The following RFX2 variants were observed in gnomAD, a reference collection of about 807,000 sequenced individuals.
The protein encoded by RFX2 is DNA-binding protein RFX2.
A neutral mutation model predicts 87.8 loss-of-function variants in RFX2; 20 were observed. That is an observed-to-expected ratio of 0.23 (90% confidence interval 0.16 to 0.33). The LOEUF (loss-of-function observed/expected upper bound fraction) is 0.33. Ranked by LOEUF, RFX2 falls within the 10% of genes least tolerant of loss-of-function variation. RFX2 has a pLI of 1.00. For missense variants in RFX2, 767 were observed against 1,012.3 expected (o/e 0.76, Z 3.29); for synonymous variants, 397 against 431.3 (o/e 0.92, Z 0.98).
chr19:6,026,189 G>A lies in RFX2; in HGVS notation c.571C>T (p.His191Tyr). ...TGGCTGTTGAGTAAACCGCTTTTGTGTGATGTGATTCCTTCGCTTTTTTGG... is the reference window on the plus strand; with the variant it reads ...TGGCTGTTGAGTAAACCGCTTTTGTATGATGTGATTCCTTCGCTTTTTTGG... ...NLQKSEGITS[H>Y]KSGLLNSHLQ... The change falls in exon 6 of 18, where the codon CAC (histidine) becomes TAC (tyrosine). Residue 191 changes from histidine (H) to tyrosine (Y), a missense_variant. Coordinates refer to ENST00000303657, the MANE Select transcript of RFX2 (RefSeq NM_000635.4). The surrounding 1 kb of genome is among the most constrained non-coding windows in gnomAD (Gnocchi z 4.5). The A allele has an allele frequency of 6.2e-7, 1 of 1,613,394 alleles. No individual in the cohort carries two copies. The highest frequency in any genetic ancestry group is 2.2e-5 in the East Asian group (1 of 44,848).
rs976872553 is a variant in RFX2, at chr19:6,007,876, C to T, written c.1135-74G>A. On this transcript the variant is annotated intron_variant, in intron 10 of 17. Transcript: ENST00000303657. This position sits in a 1 kb window ranked among gnomAD's most constrained non-coding sequence, Gnocchi z 8.2. ...GTGCACTCAGCACACGTCAAGTGAG[C>T]AGCCGTGATCCGGGCTACAGCGGGG... is the stretch of plus-strand genomic sequence containing the variant. The T allele has an allele frequency of 8.3e-6, 9 of 1,085,932 alleles. 1 individual carries two copies. In the Middle Eastern group the frequency reaches 5.9e-4, roughly 72 times the overall value. 67.3% of individuals were successfully genotyped at this position (1,085,932 alleles called of 1,614,324 possible). A position where few individuals can be genotyped will look rare whatever the true frequency, so the allele number is the denominator to read the frequency against.
intron 1 of RFX2, among the ~76,000 whole-genome samples, chr19:6,087,005 T>C (rs186358831): frequency 1.3e-5 from 2 of 151,422 alleles, no homozygotes; most frequent in African/African-American, 4.9e-5. Flanking sequence ...TTTTTTTTTT[T>C]AATCTTTTAA....
intron 1 of RFX2, among the ~76,000 whole-genome samples, chr19:6,065,864 G>A (rs1158002569): frequency 6.6e-6 from 1 of 151,990 alleles, no homozygotes; most frequent in Non-Finnish European, 1.5e-5. Flanking sequence ...TGTTACAGGC[G>A]GCACTTTTGC....
chr19:6,079,654 G>A (rs1040653857), intron 1 of RFX2, among the ~76,000 whole-genome samples: 4 of 152,154 alleles, frequency 2.6e-5, no homozygotes, highest in Non-Finnish European at 5.9e-5. Context: ...TTGGAAGGCT[G>A]AGGTGGGTGG....
chr19:6,042,819 C>T (rs565264740), intron 3 of RFX2, among the ~76,000 whole-genome samples: 7 of 152,332 alleles, frequency 4.6e-5, no homozygotes, highest in East Asian at 3.9e-4. Flanking sequence ...GACTCTAGTC[C>T]GAGCAGTGGA....
chr19:5,994,795 G>A lies in RFX2; in HGVS notation c.*40C>T, dbSNP rs780218030. ...ATCCAGGTTCCCAGAGTGACCAGGC[G>A]GCATCTTTTGGAACCTCGAGGAGGC... On this transcript the variant is annotated 3_prime_UTR_variant, in exon 18 of 18. Transcript: ENST00000303657. The A allele has an allele frequency of 6.8e-6, 9 of 1,331,068 alleles. No individual in the cohort carries two copies. The highest frequency in any genetic ancestry group is 1.2e-5 in the South Asian group (1 of 84,192). The allele number at this position is 1,331,068 out of a possible 1,614,324, so 82.5% of individuals were successfully genotyped here.
chr19:6,031,558 C>T (rs1599867798), intron 5 of RFX2, among the ~76,000 whole-genome samples: 1 of 149,564 alleles, frequency 6.7e-6, no homozygotes, highest in Non-Finnish European at 1.5e-5. Context: ...GCCTCCCGAG[C>T]AGCTGGGATT....
rs774563181 is a variant in RFX2, at chr19:6,004,582, G to A, written c.1403-284C>T. Among the ~76,000 whole-genome samples the A allele has an allele frequency of 2.6e-5, 4 of 151,858 alleles. No homozygotes were observed. The highest frequency in any genetic ancestry group is 5.9e-5 in the Non-Finnish European group (4 of 67,964). ...ACGTTAATGGTGGTCATGACTGCAG[G>A]GTGCCTCAGGCATGGAGTGGGTGGA... On this transcript the variant is annotated intron_variant, in intron 12 of 17. Coordinates refer to ENST00000303657, the MANE Select transcript of RFX2 (RefSeq NM_000635.4). This position sits in a 1 kb window ranked among gnomAD's most constrained non-coding sequence, Gnocchi z 4.8.
At position 6,022,509 on chromosome 19, in the gene RFX2, C is replaced by G. The variant is rs912487481; in HGVS notation, c.597+3654G>C. Among the ~76,000 whole-genome samples, 3 of 152,208 alleles carry G rather than the reference C, an allele frequency of 2.0e-5. No homozygotes were observed. The highest frequency in any genetic ancestry group is 2.9e-5 in the Non-Finnish European group (2 of 68,034). Reference sequence around the variant, plus strand: ...GACTCGGTGAACCTGCTACGGGGTCCCGGTCGGCTGGTAGCCTGAGGGCAG... The same window carrying G: ...GACTCGGTGAACCTGCTACGGGGTCGCGGTCGGCTGGTAGCCTGAGGGCAG... On this transcript the variant is annotated intron_variant, in intron 6 of 17. Transcript: ENST00000303657. This position sits in a 1 kb window ranked among gnomAD's most constrained non-coding sequence, Gnocchi z 6.2.
At chr19:6,107,072 G>A (rs924240447) in intron 1 of RFX2, among the ~76,000 whole-genome samples, 1 of 151,728 alleles carries the variant, frequency 6.6e-6, no homozygotes, top group Non-Finnish European at 1.5e-5. Context: ...AAGGTGGGCG[G>A]ATCACATGGT....
intron 1 of RFX2, chr19:6,072,871 AC>A (rs774625848): frequency 2.3e-6 from 3 of 1,301,978 alleles, no homozygotes; most frequent in Non-Finnish European, 3.3e-6. Context: ...CAAAAAGAGA[AC>A]CAAGGAGTTC....
rs1349661467 is a variant in RFX2 at position 6,021,312 on chromosome 19, C to G, written c.597+4851G>C. On this transcript the variant is annotated intron_variant, in intron 6 of 17. Transcript: ENST00000303657. The surrounding 1 kb of genome is among the most constrained non-coding windows in gnomAD (Gnocchi z 5.7). The stretch of plus-strand genomic sequence containing the variant: ...AGGCCTTGTTTAGGTGCTGGGGATG[C>G]AACGGCGAATAAAAGACAAAAACCC... Among the ~76,000 whole-genome samples, 1 of 152,210 alleles carries G rather than the reference C, an allele frequency of 6.6e-6. No individual in the cohort carries two copies. Among genetic ancestry groups the G allele is most frequent in the Non-Finnish European group, 1.5e-5 (1 of 68,046 alleles).
Position 6,061,074 on chromosome 19 carries a change from A to T in RFX2, c.-8-13570T>A, listed in dbSNP as rs1455505041. ...ACTGGGCATCTCCCTGCGCCCCGGG[A>T]CACGTGTCGCTGGTGACTCAGCCTG... On this transcript the variant is annotated intron_variant, in intron 1 of 17. Coordinates refer to ENST00000303657, the MANE Select transcript of RFX2 (RefSeq NM_000635.4). This position sits in a 1 kb window ranked among gnomAD's most constrained non-coding sequence, Gnocchi z 5.2. 6.6e-6 allele frequency among the ~76,000 whole-genome samples: 1 copy of T among 151,962 alleles called. No homozygotes were observed. Among genetic ancestry groups the T allele is most frequent in the African/African-American group, 2.4e-5 (1 of 41,376 alleles).
chr19:6,065,558 A>C (rs936130184), intron 1 of RFX2, among the ~76,000 whole-genome samples: 1 of 152,164 alleles, frequency 6.6e-6, no homozygotes, highest in East Asian at 1.9e-4. Context: ...GAGGCGGAAG[A>C]ATGGCGTGAA....
rs57501118 is a variant in RFX2 at position 6,084,643 on chromosome 19, C to CTTTTTT, written c.-9+25744_-9+25749dup. On this transcript the variant is annotated intron_variant, in intron 1 of 17. Transcript: ENST00000303657. ...TGTCCTTTTTTTTCTTTCTTTCTTTCTTTTTTTTGAGACAGAATCTCGCTC... is the reference window on the plus strand; with the variant it reads ...TGTCCTTTTTTTTCTTTCTTTCTTTCTTTTTTTTTTTTTTGAGACAGAATCTCGCTC... Among the ~76,000 whole-genome samples, 673 of 145,410 alleles carry CTTTTTT rather than the reference C, an allele frequency of 4.6e-3. 9 individuals carry two copies. In the East Asian group the frequency reaches 0.068, roughly 15 times the overall value.
In RFX2 at chr19:6,040,303, C is replaced by A; in HGVS notation, c.261-62G>T. ...CCCATTTAAATGCCTTGTCTGAGTT[C>A]ACAGATATCCAGCCAAACATCACGT... On this transcript the variant is annotated intron_variant, in intron 4 of 17. Coordinates refer to ENST00000303657, the MANE Select transcript of RFX2 (RefSeq NM_000635.4). This position sits in a 1 kb window ranked among gnomAD's most constrained non-coding sequence, Gnocchi z 6.1. 1 of 1,459,426 alleles carries A rather than the reference C, an allele frequency of 6.9e-7. No individual in the cohort carries two copies. Among genetic ancestry groups the A allele is most frequent in the South Asian group, 1.5e-5 (1 of 67,344 alleles). The allele number at this position is 1,459,426 out of a possible 1,614,324, so 90.4% of individuals were successfully genotyped here. A position where few individuals can be genotyped will look rare whatever the true frequency, so the allele number is the denominator to read the frequency against.
chr19:6,029,560 T>C (rs1244515585), intron 5 of RFX2, among the ~76,000 whole-genome samples: 3 of 151,944 alleles, frequency 2.0e-5, no homozygotes, highest in Non-Finnish European at 2.9e-5. Flanking sequence ...AATACAAAAA[T>C]TAGCTAGGCG....
intron 1 of RFX2, among the ~76,000 whole-genome samples, chr19:6,105,581 C>T (rs933855980): frequency 4.6e-5 from 7 of 152,080 alleles, no homozygotes; most frequent in African/African-American, 1.4e-4. Context: ...AACATGACGC[C>T]GCCTCTCCCA....
intron 1 of RFX2, among the ~76,000 whole-genome samples, chr19:6,058,871 G>T (rs1329470817): frequency 6.6e-6 from 1 of 152,128 alleles, no homozygotes; most frequent in Non-Finnish European, 1.5e-5. Context: ...CCCTTAAGTC[G>T]CAGGTTCTAA....
Sources: gnomAD v4.1 joint callset for allele counts (sites outside exome capture counted in the v4.1 genomes callset) on GRCh38, gnomAD v4.1.1 for gene constraint, Gnocchi (gnomAD v3.1) non-coding constraint, MANE v1.5 for transcripts, NCBI Gene and HGNC (gene_info 2026-07-23, HGNC 2026-07-21) for gene names.